STRBP: variants seen among roughly 807,000 people sequenced by gnomAD.
STRBP encodes spermatid perinuclear RNA-binding protein.
Under a neutral mutation model 80.1 loss-of-function variants are expected in STRBP, and 13 were observed. The observed-to-expected ratio is 0.16, with a 90% CI of 0.11 to 0.26. STRBP has a LOEUF of 0.26. STRBP is among the 10% of genes least tolerant of loss of function. STRBP has a pLI of 1.00. For synonymous variants in STRBP, 284 were observed against 291.2 expected (o/e 0.98, Z 0.25); for missense variants, 485 against 815.2 (o/e 0.59, Z 4.93).
At chr9:123,139,125 CA>C (rs1283863488) in intron 14 of STRBP, among the ~76,000 whole-genome samples, 3 of 152,194 alleles carry the variant, frequency 2.0e-5, no homozygotes, top group African/African-American at 7.2e-5. Flanking sequence ...CAGCTTAGCA[CA>C]AACTTCAAAT....
At chr9:123,208,232 G>A (rs1413679726) in intron 2 of STRBP, among the ~76,000 whole-genome samples, 2 of 151,710 alleles carry the variant, frequency 1.3e-5, no homozygotes, top group East Asian at 1.9e-4. Context: ...TCACTATAAC[G>A]AAGGTTACAA....
downstream of STRBP, among the ~76,000 whole-genome samples, chr9:123,120,953 G>A (rs532868075): frequency 2.0e-5 from 3 of 152,298 alleles, no homozygotes; most frequent in East Asian, 5.8e-4. Flanking sequence ...AGTTAACTAA[G>A]TATCTGGTTC....
At chr9:123,191,623 T>C (rs1323339998) in intron 2 of STRBP, among the ~76,000 whole-genome samples, 3 of 152,174 alleles carry the variant, frequency 2.0e-5, no homozygotes, top group Non-Finnish European at 2.9e-5. Flanking sequence ...AAAACTTAAT[T>C]ACGGACACTG....
intron 2 of STRBP, among the ~76,000 whole-genome samples, chr9:123,205,793 T>G (rs373069253): frequency 5.3e-5 from 8 of 152,204 alleles, no homozygotes; most frequent in African/African-American, 1.9e-4. Flanking sequence ...TTGGAAACTG[T>G]GTATCTAGGT....
chr9:123,222,694 A>G (rs998495922), intron 2 of STRBP, among the ~76,000 whole-genome samples: 4 of 152,222 alleles, frequency 2.6e-5, no homozygotes, highest in African/African-American at 9.6e-5. Flanking sequence ...GTAGAAACAC[A>G]GATCATCAGA....
intron 6 of STRBP, among the ~76,000 whole-genome samples, chr9:123,163,590 T>A (rs2037618385): frequency 6.6e-6 from 1 of 152,174 alleles, no homozygotes; most frequent in South Asian, 2.1e-4. Flanking sequence ...GGAGATATAA[T>A]AATTCATCTC....
Position 123,160,435 on chromosome 9 carries a change from C to T in STRBP, c.655G>A (p.Val219Ile), listed in dbSNP as rs1430411016. 6.2e-7 allele frequency: 1 copy of T among 1,603,666 alleles called. No homozygotes were observed. The highest frequency in any genetic ancestry group is 2.2e-5 in the East Asian group (1 of 44,640). The change falls in exon 8 of 19, where the codon GTA becomes ATA. Residue 219 changes from valine to isoleucine, a missense_variant. Val to Ile is a conservative substitution (Grantham distance 29). This residue lies in a region of STRBP where 377 missense variants were observed against 616.1 expected (regional missense o/e 0.61). Coordinates refer to ENST00000348403, the MANE Select transcript of STRBP (RefSeq NM_018387.5). ...QARANGLKSC[V>I]IVLRILRDLC... ...TCACGCAGAATGCGGAGGACAATTACACATGATTTTAATCCATTTGCCCTT... is the reference window on the plus strand; with the variant it reads ...TCACGCAGAATGCGGAGGACAATTATACATGATTTTAATCCATTTGCCCTT...
chr9:123,174,199 G>T (rs1417179528), intron 4 of STRBP, among the ~76,000 whole-genome samples: 1 of 152,226 alleles, frequency 6.6e-6, no homozygotes, highest in Non-Finnish European at 1.5e-5. Context: ...ACTTTGGGAG[G>T]TCAAGGCAGG....
chr9:123,116,806 A>G (rs180901159), downstream of STRBP, among the ~76,000 whole-genome samples: 177 of 152,328 alleles, frequency 1.2e-3, 1 homozygote, highest in Non-Finnish European at 5.0e-4. Context: ...TCACCGCACT[A>G]TAATTTGGGG....
intron 2 of STRBP, among the ~76,000 whole-genome samples, chr9:123,204,540 G>A (rs2039443635): frequency 6.6e-6 from 1 of 152,162 alleles, no homozygotes; most frequent in Admixed American, 6.5e-5. Flanking sequence ...AGTAATAGAG[G>A]TCATCAGACT....
At chr9:123,214,775 GAACA>G (rs1362077156) in intron 2 of STRBP, among the ~76,000 whole-genome samples, 1 of 152,124 alleles carries the variant, frequency 6.6e-6, no homozygotes, top group Non-Finnish European at 1.5e-5. Context: ...AGATATGAAT[GAACA>G]AATATGAAAA....
chr9:123,111,576 CTG>C (rs1369384488), intron 3 of STRBP: 4 of 478,716 alleles, frequency 8.4e-6, no homozygotes, highest in Non-Finnish European at 1.7e-5. Flanking sequence ...AGGCTCTTGT[CTG>C]TAAGTAACTC....
chr9:123,244,648 T>G (rs2040763439), intron 1 of STRBP, among the ~76,000 whole-genome samples: 1 of 152,180 alleles, frequency 6.6e-6, no homozygotes, highest in Non-Finnish European at 1.5e-5. Context: ...AAAAATAGTA[T>G]TGATGTCAAA....
chr9:123,233,992 A>C (rs1004827465), intron 2 of STRBP, among the ~76,000 whole-genome samples: 2 of 152,004 alleles, frequency 1.3e-5, no homozygotes, highest in African/African-American at 2.4e-5. Context: ...CGAGGTCAGG[A>C]GATTGAGACC....
chr9:123,161,140 T>A, intron 6 of STRBP, 72 bp from the exon 7 acceptor site: 1 of 1,139,518 alleles, frequency 8.8e-7, no homozygotes, highest in Non-Finnish European at 1.2e-6. Context: ...TATCAAACAA[T>A]AAAAAATAAA....
chr9:123,240,384 T>C (rs2040668600), intron 1 of STRBP, among the ~76,000 whole-genome samples: 2 of 152,198 alleles, frequency 1.3e-5, no homozygotes, highest in African/African-American at 4.8e-5. Context: ...ATCAAGTCTT[T>C]GAATTCAAAG....
At chr9:123,160,244 A>G (rs1588017432) in intron 8 of STRBP, 123 bp downstream of exon 8, 1 of 544,004 alleles carries the variant, frequency 1.8e-6, no homozygotes, top group Non-Finnish European at 3.0e-6. Context: ...TTTCATGGCA[A>G]ACATACATAA....
intron 2 of STRBP, among the ~76,000 whole-genome samples, chr9:123,210,309 A>T (rs1209096184): frequency 6.6e-6 from 1 of 152,086 alleles, no homozygotes; most frequent in African/African-American, 2.4e-5. Flanking sequence ...ATCAAAAAAC[A>T]CCCTAAAGAT....
chr9:123,239,658 G>A (rs532493721), intron 1 of STRBP, among the ~76,000 whole-genome samples: 12 of 152,254 alleles, frequency 7.9e-5, no homozygotes, highest in African/African-American at 2.4e-4. Flanking sequence ...TCTTATAACA[G>A]GAGCAGAGTA....
Sources: allele counts gnomAD v4.1 joint callset (sites outside exome capture counted in the v4.1 genomes callset), GRCh38; gene constraint gnomAD v4.1.1; regional missense constraint gnomAD v4.1.1; transcripts MANE v1.5; gene names NCBI Gene and HGNC (gene_info 2026-07-23, HGNC 2026-07-21).